Variants in PTPRD observed in about 807,000 individuals in gnomAD.
PTPRD encodes protein tyrosine phosphatase receptor type D, also known as receptor-type tyrosine-protein phosphatase delta.
In PTPRD, 34 loss-of-function variants were observed where a neutral mutation model predicts 214.5. That is an observed-to-expected ratio of 0.16 (90% confidence interval 0.12 to 0.21). The LOEUF (loss-of-function observed/expected upper bound fraction) is 0.21. Among genes scored for constraint, PTPRD ranks in the 10% least tolerant of loss-of-function variants. PTPRD has a pLI of 1.00. For missense variants in PTPRD, 2,545 were observed against 2,398.7 expected (o/e 1.06, Z -1.27); for synonymous variants, 1,128 against 845.7 (o/e 1.33, Z -5.79).
intron 10 of PTPRD, among the ~76,000 whole-genome samples, chr9:9,135,541 T>A (rs1233968686): frequency 1.3e-5 from 2 of 151,406 alleles, no homozygotes; most frequent in African/African-American, 4.9e-5. Flanking sequence ...AGAAAATGGC[T>A]TTCAATGCTT....
chr9:10,295,962 T>A (rs2095661509), intron 3 of PTPRD, among the ~76,000 whole-genome samples: 1 of 151,998 alleles, frequency 6.6e-6, no homozygotes, highest in South Asian at 2.1e-4. Flanking sequence ...GAGAATAATC[T>A]TCATTTTCTC....
intron 2 of PTPRD, among the ~76,000 whole-genome samples, chr9:10,510,816 T>C (rs1011386739): frequency 5.3e-5 from 8 of 152,124 alleles, no homozygotes; most frequent in African/African-American, 1.7e-4. Context: ...CCTAACCGCA[T>C]TTTTGTACCT....
intron 7 of PTPRD, among the ~76,000 whole-genome samples, chr9:9,601,129 G>A (rs2093718397): frequency 8.0e-6 from 1 of 125,772 alleles, no homozygotes; most frequent in African/African-American, 3.6e-5. Context: ...GTGTGTGTGT[G>A]TGTGTGTGTG....
chr9:9,375,568 C>A (rs911818707), intron 9 of PTPRD, among the ~76,000 whole-genome samples: 33 of 152,104 alleles, frequency 2.2e-4, no homozygotes, highest in African/African-American at 8.0e-4. Context: ...TGCACTCTAG[C>A]CTGGGCAACA....
intron 7 of PTPRD, among the ~76,000 whole-genome samples, chr9:9,630,818 G>T (rs995962825): frequency 6.6e-6 from 1 of 151,972 alleles, no homozygotes; most frequent in Non-Finnish European, 1.5e-5. Flanking sequence ...TTTGGGTCAG[G>T]AATTAGATAG....
At chr9:9,441,106 T>C (rs558405436) in intron 8 of PTPRD, among the ~76,000 whole-genome samples, 1 of 152,278 alleles carries the variant, frequency 6.6e-6, no homozygotes, top group South Asian at 2.1e-4. Context: ...TCATCTTACC[T>C]TGGAAAGAGT....
At chr9:8,709,514 CAAAAAA>C (rs758112672) in intron 12 of PTPRD, among the ~76,000 whole-genome samples, 4 of 56,334 alleles carry the variant, frequency 7.1e-5, no homozygotes, top group South Asian at 5.8e-4. Flanking sequence ...GACTCCATCT[CAAAAAA>C]AAAAAAAAAA....
chr9:9,756,064 T>A (rs906165552), intron 6 of PTPRD, among the ~76,000 whole-genome samples: 1 of 152,062 alleles, frequency 6.6e-6, no homozygotes, highest in Non-Finnish European at 1.5e-5. Flanking sequence ...CTCATAAACC[T>A]TTATATTCCT....
rs144702894 is a variant in PTPRD at position 9,254,462 on chromosome 9, T to C, written c.-202-71099A>G. On this transcript the variant is annotated intron_variant, in intron 9 of 45. Coordinates refer to ENST00000381196, the MANE Select transcript of PTPRD (RefSeq NM_002839.4). ...TGGTTAGCTACCTAAAGAAGAGGTA[T>C]AGTTTTATTTACAATTAATGGTAAT... Among the ~76,000 whole-genome samples, 85 of 152,214 alleles carry C rather than the reference T, an allele frequency of 5.6e-4. 1 individual carries two copies. The East Asian group carries it at 0.015, about 26-fold the overall frequency.
chr9:8,387,022 T>C (rs2087351956), intron 37 of PTPRD, among the ~76,000 whole-genome samples: 1 of 152,144 alleles, frequency 6.6e-6, no homozygotes, highest in Non-Finnish European at 1.5e-5. Flanking sequence ...TGGTGGTGGC[T>C]GAGACTCCCC....
At chr9:10,510,255 C>T (rs1160500530) in intron 2 of PTPRD, among the ~76,000 whole-genome samples, 2 of 152,024 alleles carry the variant, frequency 1.3e-5, no homozygotes, top group Non-Finnish European at 2.9e-5. Context: ...CAGTTAGAAT[C>T]GTTTTGTCAC....
chr9:10,036,536 T>G (rs1420684546), intron 3 of PTPRD, among the ~76,000 whole-genome samples: 1 of 143,340 alleles, frequency 7.0e-6, no homozygotes, highest in Non-Finnish European at 1.5e-5. Context: ...ACACACACAA[T>G]TTTGCCAGGA....
chr9:8,727,819 T>A (rs968460212), intron 12 of PTPRD, among the ~76,000 whole-genome samples: 2 of 151,918 alleles, frequency 1.3e-5, no homozygotes, highest in African/African-American at 4.8e-5. Flanking sequence ...CAACTGGCTG[T>A]TTTTTTTCCT....
intron 4 of PTPRD, among the ~76,000 whole-genome samples, chr9:9,960,115 G>C (rs1364857045): frequency 6.6e-6 from 1 of 151,232 alleles, no homozygotes; most frequent in Non-Finnish European, 1.5e-5. Context: ...GTCTGAGGCA[G>C]GAAATATGCA....
intron 7 of PTPRD, among the ~76,000 whole-genome samples, chr9:9,680,332 T>C (rs2097039636): frequency 6.6e-6 from 1 of 151,896 alleles, no homozygotes; most frequent in South Asian, 2.1e-4. Context: ...AATATATTGC[T>C]TTGGAAAATT....
chr9:9,004,323 A>C (rs1447900815), intron 11 of PTPRD, among the ~76,000 whole-genome samples: 1 of 152,068 alleles, frequency 6.6e-6, no homozygotes, highest in Non-Finnish European at 1.5e-5. Context: ...ACAAATTATC[A>C]TATAAAATAT....
chr9:9,242,072 T>G (rs2099970636), intron 9 of PTPRD, among the ~76,000 whole-genome samples: 1 of 152,080 alleles, frequency 6.6e-6, no homozygotes, highest in African/African-American at 2.4e-5. Flanking sequence ...TTTGCTTGTC[T>G]GTAAAGGATT....
At chr9:9,248,752 T>C (rs909271939) in intron 9 of PTPRD, among the ~76,000 whole-genome samples, 15 of 152,068 alleles carry the variant, frequency 9.9e-5, no homozygotes, top group African/African-American at 3.4e-4. Flanking sequence ...AAAAGGCAAG[T>C]ATGCATTTGG....
intron 2 of PTPRD, among the ~76,000 whole-genome samples, chr9:10,382,485 A>C (rs1256098089): frequency 6.6e-6 from 1 of 151,934 alleles, no homozygotes. Context: ...GTCTATGAAG[A>C]ATTATTGAAA....
Sources: gnomAD v4.1 joint callset for allele counts (sites outside exome capture counted in the v4.1 genomes callset) on GRCh38, gnomAD v4.1.1 for gene constraint, MANE v1.5 for transcripts, NCBI Gene and HGNC (gene_info 2026-07-23, HGNC 2026-07-21) for gene names.